PECAM1: variants seen among roughly 807,000 people sequenced by gnomAD.
PECAM1 encodes platelet endothelial cell adhesion molecule.
Under a neutral mutation model 13.8 loss-of-function variants are expected in PECAM1, and 8 were observed. That is an observed-to-expected ratio of 0.58 (90% CI 0.34 to 1.05). The LOEUF is 1.05. Ranked by LOEUF, PECAM1 falls within the 50% of genes least tolerant of loss-of-function variation. The pLI is 0.03. For synonymous variants in PECAM1, 136 were observed against 52.6 expected (o/e 2.58, Z -6.86); for missense variants, 304 against 141.2 (o/e 2.15, Z -5.84).
At chr17:64,370,590 G>C (rs2036217462) in intron 4 of PECAM1, among the ~76,000 whole-genome samples, 2 of 152,186 alleles carry the variant, frequency 1.3e-5, no homozygotes, top group African/African-American at 4.8e-5. Flanking sequence ...AATTTTGCCT[G>C]AGTGTGGGGC....
At chr17:64,338,445 C>G (rs1431661711) in intron 14 of PECAM1, among the ~76,000 whole-genome samples, 2 of 151,830 alleles carry the variant, frequency 1.3e-5, no homozygotes, top group Admixed American at 1.3e-4. Context: ...TTTGTGGCCA[C>G]TTGATTGACT....
At chr17:64,336,937 G>T (rs2035294869) in intron 14 of PECAM1, among the ~76,000 whole-genome samples, 1 of 149,954 alleles carries the variant, frequency 6.7e-6, no homozygotes, top group African/African-American at 2.5e-5. Flanking sequence ...GGAGGAAAGA[G>T]AAAAGGAAAG....
chr17:64,367,746 G>T (rs1262861405), intron 5 of PECAM1, among the ~76,000 whole-genome samples: 1 of 151,980 alleles, frequency 6.6e-6, no homozygotes, highest in East Asian at 1.9e-4. Context: ...CGGGTCTTAG[G>T]TAGCTCTTTA....
intron 10 of PECAM1, among the ~76,000 whole-genome samples, chr17:64,352,731 T>C (rs1215400049): frequency 6.6e-6 from 1 of 152,076 alleles, no homozygotes; most frequent in African/African-American, 2.4e-5. Flanking sequence ...CTCGGATCAC[T>C]GCAGCCTCCG....
intron 15 of PECAM1, among the ~76,000 whole-genome samples, chr17:64,327,363 T>A (rs1417151259): frequency 6.6e-6 from 1 of 152,224 alleles, no homozygotes; most frequent in Non-Finnish European, 1.5e-5. Flanking sequence ...GCTCTTATCA[T>A]CATTGTCATC....
chr17:64,348,010 T>C (rs988416197), intron 13 of PECAM1, among the ~76,000 whole-genome samples: 9 of 152,028 alleles, frequency 5.9e-5, no homozygotes, highest in Non-Finnish European at 1.2e-4. Flanking sequence ...GGATTACAGG[T>C]GTGAGCCACA....
intron 2 of PECAM1, among the ~76,000 whole-genome samples, chr17:64,384,336 A>G (rs1250982239): frequency 6.6e-6 from 1 of 152,110 alleles, no homozygotes; most frequent in Non-Finnish European, 1.5e-5. Context: ...ACAGTGACCT[A>G]GTTTTTACCG....
intron 9 of PECAM1, among the ~76,000 whole-genome samples, chr17:64,354,610 C>G (rs984907795): frequency 3.3e-5 from 5 of 152,184 alleles, no homozygotes; most frequent in African/African-American, 9.7e-5. Flanking sequence ...CACAGCACAA[C>G]CACCAGGTTA....
rs943984606 is a variant in PECAM1 at position 64,352,370 on chromosome 17, G to T, written c.1990+20C>A. ...AGCAAGTTGGGGGAAATTAGAAATG[G>T]CAGGAGAACATGACTTTACCGTAAT... is the stretch of plus-strand genomic sequence containing the variant. On this transcript the variant is annotated intron_variant, in intron 11 of 15. Coordinates refer to ENST00000563924, the MANE Select transcript of PECAM1 (RefSeq NM_000442.5). 2 of 474,712 alleles carry T rather than the reference G, an allele frequency of 4.2e-6. No individual in the cohort carries two copies. The highest frequency in any genetic ancestry group is 7.7e-6 in the Non-Finnish European group (2 of 258,858). The allele number at this position is 474,712 out of a possible 1,614,324, so 29.4% of individuals were successfully genotyped here. A position where few individuals can be genotyped will look rare whatever the true frequency, so the allele number is the denominator to read the frequency against.
chr17:64,335,924 T>C (rs1271736082), intron 14 of PECAM1, among the ~76,000 whole-genome samples: 2 of 152,078 alleles, frequency 1.3e-5, no homozygotes, highest in Non-Finnish European at 1.5e-5. Context: ...TGCTGAAGAA[T>C]TTGGCAATGA....
Position 64,321,272 on chromosome 17 carries a change from ACTC to A in PECAM1, c.*2541_*2543del, listed in dbSNP as rs1185891559. 6.2e-5 allele frequency: 12 copies of A among 193,958 alleles called. No homozygotes were observed. The highest frequency in any genetic ancestry group is 9.5e-5 in the African/African-American group (4 of 42,076). 12.0% of individuals were successfully genotyped at this position (193,958 alleles called of 1,614,324 possible). On this transcript the variant is annotated 3_prime_UTR_variant, in exon 16 of 16. Transcript: ENST00000563924. ...ACTAATGAGTTCCGCGGCCGAGAAA[ACTC>A]CTGGAGTGGGTGCTCCTGGGATGCT...
At chr17:64,370,606 A>G (rs1207483196) in intron 4 of PECAM1, among the ~76,000 whole-genome samples, 2 of 152,140 alleles carry the variant, frequency 1.3e-5, no homozygotes, top group Non-Finnish European at 2.9e-5. Flanking sequence ...GGGGCCTTAC[A>G]CCTGTAATCC....
At chr17:64,335,985 C>T (rs2035265706) in intron 14 of PECAM1, among the ~76,000 whole-genome samples, 1 of 152,024 alleles carries the variant, frequency 6.6e-6, no homozygotes, top group African/African-American at 2.4e-5. Context: ...ATGATCTGGC[C>T]GGGCGTGGTG....
chr17:64,387,167 G>A (rs1310817690), intron 2 of PECAM1, among the ~76,000 whole-genome samples: 1 of 152,124 alleles, frequency 6.6e-6, no homozygotes, highest in African/African-American at 2.4e-5. Flanking sequence ...TTTGGGGCAC[G>A]ATCAAAAGTC....
chr17:64,342,375 C>A (rs1464504876), intron 13 of PECAM1, among the ~76,000 whole-genome samples: 1 of 152,168 alleles, frequency 6.6e-6, no homozygotes, highest in Non-Finnish European at 1.5e-5. Flanking sequence ...AGACATTCTG[C>A]CAGGTCCCTC....
chr17:64,359,068 G>T (rs2035912904), intron 7 of PECAM1, among the ~76,000 whole-genome samples: 1 of 152,074 alleles, frequency 6.6e-6, no homozygotes, highest in Non-Finnish European at 1.5e-5. Context: ...AAAGCGCTAG[G>T]ATTACAGGTG....
chr17:64,327,080 G>A (rs2143666388), intron 15 of PECAM1, among the ~76,000 whole-genome samples: 1 of 152,330 alleles, frequency 6.6e-6, no homozygotes, highest in South Asian at 2.1e-4. Context: ...TGGCTAAGAA[G>A]TGGGAAGTCA....
intron 13 of PECAM1, 37 bp downstream of exon 13, chr17:64,348,223 A>C: frequency 2.1e-6 from 1 of 474,628 alleles, no homozygotes. Context: ...ACCCAAGCCA[A>C]AGGCAATGCC....
chr17:64,358,821 G>A (rs7210508), intron 7 of PECAM1, among the ~76,000 whole-genome samples: 9,964 of 150,932 alleles, frequency 0.066, 1,100 homozygotes, highest in African/African-American at 0.23. Context: ...TTTTGAGATG[G>A]AGTCTTGCTC....
Sources: allele counts gnomAD v4.1 joint callset (sites outside exome capture counted in the v4.1 genomes callset), GRCh38; gene constraint gnomAD v4.1.1; transcripts MANE v1.5; gene names NCBI Gene and HGNC (gene_info 2026-07-23, HGNC 2026-07-21).